Variants in RGL1 observed in about 807,000 individuals in gnomAD.
RGL1 encodes the protein ral guanine nucleotide dissociation stimulator like 1.
A neutral mutation model predicts 95.2 loss-of-function variants in RGL1; 24 were observed. The observed-to-expected ratio is 0.25, with a 90% CI of 0.18 to 0.35. RGL1 has a LOEUF of 0.35. Ranked by LOEUF, RGL1 falls within the 10% of genes least tolerant of loss-of-function variation. The probability of loss-of-function intolerance (pLI) is 1.00; values close to 1 mark genes in which losing one functional copy is unlikely to be tolerated. For missense variants in RGL1, 715 were observed against 936.3 expected (o/e 0.76, Z 3.08); for synonymous variants, 329 against 344.9 (o/e 0.95, Z 0.51).
At position 183,820,129 on chromosome 1, in the gene RGL1, A is replaced by G. The variant is rs375749571; in HGVS notation, c.138+13644A>G. Among the ~76,000 whole-genome samples the G allele has an allele frequency of 2.6e-5, 4 of 152,146 alleles. No individual in the cohort carries two copies. The South Asian group carries it at 6.2e-4, about 24-fold the overall frequency. ...TTTTGATTTAAAGAAGAAGAAAATCATCTATAATTCTGCCATGATAACACA... is the reference window on the plus strand; with the variant it reads ...TTTTGATTTAAAGAAGAAGAAAATCGTCTATAATTCTGCCATGATAACACA... On this transcript the variant is annotated intron_variant, in intron 2 of 17. Transcript: ENST00000360851.
At chr1:183,880,504 A>C in intron 4 of RGL1, 112 bp from the exon 5 acceptor site, 1 of 785,000 alleles carries the variant, frequency 1.3e-6, no homozygotes, top group Non-Finnish European at 2.1e-6. Flanking sequence ...TGATCTGTTG[A>C]CCACCCACCC....
At position 183,924,670 on chromosome 1, in the gene RGL1, C is replaced by T. The variant is rs549814206; in HGVS notation, c.2120-1435C>T. ...AAACAAAAATAAAAGTGAGGCTGGG[C>T]ATGGTGGCTCACGCCTGTAATCCCA... On this transcript the variant is annotated intron_variant, in intron 17 of 17. Transcript: ENST00000360851. 2.0e-5 allele frequency among the ~76,000 whole-genome samples: 3 copies of T among 152,096 alleles called. No individual in the cohort carries two copies. The East Asian group carries it at 5.8e-4, about 29-fold the overall frequency.
intron 2 of RGL1, among the ~76,000 whole-genome samples, chr1:183,781,225 T>C (rs1659886446): frequency 6.6e-6 from 1 of 152,232 alleles, no homozygotes; most frequent in South Asian, 2.1e-4. Context: ...TCTTCTTTTT[T>C]CCACTTCCTT....
At position 183,878,012 on chromosome 1, in the gene RGL1, A is replaced by G. The variant is rs970595137; in HGVS notation, c.426-2604A>G. On this transcript the variant is annotated intron_variant, in intron 4 of 17. Transcript: ENST00000360851. ...TTGTAGTTGTGACAACCTGAAAATA[A>G]CTTAAATACCTGCCTTCCAGTAGAA... Among the ~76,000 whole-genome samples the G allele has an allele frequency of 4.2e-4, 64 of 152,184 alleles. 2 individuals are homozygous for G. Among genetic ancestry groups the G allele is most frequent in the Admixed American group, 1.3e-4 (2 of 15,282 alleles).
At chr1:183,919,488 A>G (rs1414788149) in intron 16 of RGL1, among the ~76,000 whole-genome samples, 1 of 152,150 alleles carries the variant, frequency 6.6e-6, no homozygotes, top group Admixed American at 6.5e-5. Context: ...AATAATTTTG[A>G]TCTCATGGAT....
At chr1:183,748,070 A>G (rs1339085995) in intron 2 of RGL1, among the ~76,000 whole-genome samples, 1 of 152,140 alleles carries the variant, frequency 6.6e-6, no homozygotes, top group Non-Finnish European at 1.5e-5. Flanking sequence ...GAGAGGGTGT[A>G]TGTGTCCAGG....
intron 2 of RGL1, among the ~76,000 whole-genome samples, chr1:183,787,450 G>C (rs1194657797): frequency 6.6e-6 from 1 of 152,164 alleles, no homozygotes; most frequent in Non-Finnish European, 1.5e-5. Flanking sequence ...CCTGGTCAAG[G>C]ATAGCACTAA....
At chr1:183,743,860 G>A (rs139322221) in intron 2 of RGL1, among the ~76,000 whole-genome samples, 184 of 152,322 alleles carry the variant, frequency 1.2e-3, no homozygotes, top group African/African-American at 4.2e-3. Context: ...AACAGAAATT[G>A]ACTAAATTAA....
chr1:183,667,619 C>T (rs1255705832), intron 1 of RGL1, among the ~76,000 whole-genome samples: 1 of 152,068 alleles, frequency 6.6e-6, no homozygotes, highest in African/African-American at 2.4e-5. Context: ...AGCCATTGCG[C>T]CCAGCCAGAT....
chr1:183,916,180 A>T (rs1366981693), intron 15 of RGL1, among the ~76,000 whole-genome samples: 1 of 152,026 alleles, frequency 6.6e-6, no homozygotes, highest in East Asian at 1.9e-4. Flanking sequence ...TAACTTCTAT[A>T]AGAACAGCTA....
rs1667457981 is a variant in RGL1 at position 183,892,087 on chromosome 1, C to T, written c.1066C>T (p.Leu356=). The change falls in exon 9 of 18, where the codon CTG becomes TTG. Residue 356 remains leucine (L), a synonymous_variant. Coordinates refer to ENST00000360851, the MANE Select transcript of RGL1 (RefSeq NM_001297671.3). ...AATCCCTTTTCATAGGGACCGAATG[C>T]TGATGTTTGAAGAACTTTCAGATAT... ...TWAAVPRDRM[L]MFEELSDIFS... 2 of 1,611,760 alleles carry T rather than the reference C, an allele frequency of 1.2e-6. No individual in the cohort carries two copies. Among genetic ancestry groups the T allele is most frequent in the East Asian group, 4.5e-5 (2 of 44,828 alleles).
chr1:183,638,649 T>A (rs925409590), intron 1 of RGL1, among the ~76,000 whole-genome samples: 7 of 152,338 alleles, frequency 4.6e-5, no homozygotes, highest in African/African-American at 1.7e-4. Flanking sequence ...TGATACTTAA[T>A]TCATCTTAGG....
At chr1:183,719,669 G>T (rs898098064) in intron 1 of RGL1, among the ~76,000 whole-genome samples, 28 of 152,344 alleles carry the variant, frequency 1.8e-4, no homozygotes, top group Admixed American at 1.8e-3. Flanking sequence ...ACTTTGGGAG[G>T]CCGAGGCAGA....
chr1:183,909,135 A>G (rs1668502938), intron 14 of RGL1, among the ~76,000 whole-genome samples: 1 of 152,244 alleles, frequency 6.6e-6, no homozygotes, highest in South Asian at 2.1e-4. Flanking sequence ...TTGGGCATCT[A>G]TTATGAAAGC....
At chr1:183,722,876 A>C (rs1656091358) in intron 1 of RGL1, among the ~76,000 whole-genome samples, 1 of 152,206 alleles carries the variant, frequency 6.6e-6, no homozygotes, top group Non-Finnish European at 1.5e-5. Context: ...TCTACACAAA[A>C]GAATAAAGAG....
intron 1 of RGL1, chr1:183,742,118 C>G: frequency 6.2e-7 from 1 of 1,611,154 alleles, no homozygotes; most frequent in South Asian, 1.1e-5. Flanking sequence ...CTTTATTCTT[C>G]CACACAGATC....
chr1:183,657,921 T>C (rs1000387231), intron 1 of RGL1, among the ~76,000 whole-genome samples: 1 of 152,228 alleles, frequency 6.6e-6, no homozygotes, highest in Non-Finnish European at 1.5e-5. Flanking sequence ...TGTAAAAGTG[T>C]TTCAATTTCT....
chr1:183,699,686 C>G (rs998839167), intron 1 of RGL1, among the ~76,000 whole-genome samples: 4 of 152,140 alleles, frequency 2.6e-5, no homozygotes, highest in African/African-American at 9.6e-5. Context: ...TGCTGGCCTG[C>G]CCCTGCCTTT....
chr1:183,800,802 G>T (rs1263202446), upstream of RGL1, among the ~76,000 whole-genome samples: 1 of 151,974 alleles, frequency 6.6e-6, no homozygotes, highest in African/African-American at 2.4e-5. Context: ...TGTCCTCAAG[G>T]TTCATCCATG....
Sources: allele counts gnomAD v4.1 joint callset (sites outside exome capture counted in the v4.1 genomes callset), GRCh38; gene constraint gnomAD v4.1.1; transcripts MANE v1.5; gene names NCBI Gene and HGNC (gene_info 2026-07-23, HGNC 2026-07-21).